The following ETHE1 variants were observed in gnomAD, a reference collection of about 807,000 sequenced individuals.
The protein encoded by ETHE1 is ETHE1 persulfide dioxygenase.
Under a neutral mutation model 25.7 loss-of-function variants are expected in ETHE1, and 16 were observed. The ratio of observed to expected loss-of-function variants is 0.62; its 90% CI spans 0.42 to 0.95. ETHE1 has a LOEUF of 0.95. Ranked by LOEUF, ETHE1 falls within the 40% of genes least tolerant of loss-of-function variation. The pLI is 0.00. For synonymous variants in ETHE1, 139 were observed against 135.9 expected (o/e 1.02, Z -0.16); for missense variants, 300 against 333.6 (o/e 0.90, Z 0.79).
intron 3 of ETHE1, among the ~76,000 whole-genome samples, chr19:43,521,128 C>G (rs1394400820): frequency 6.6e-6 from 1 of 152,058 alleles, no homozygotes; most frequent in Admixed American, 6.6e-5. Context: ...AGGCCAGGTG[C>G]TCACGACCAG....
intron 3 of ETHE1, among the ~76,000 whole-genome samples, chr19:43,515,349 G>A (rs988883688): frequency 1.3e-5 from 2 of 151,064 alleles, no homozygotes; most frequent in African/African-American, 2.4e-5. Flanking sequence ...CCCGGGAGGC[G>A]GAGGTTGCAG....
rs558850742 is a variant in ETHE1 at position 43,511,354 on chromosome 19, A to G, written c.505+83T>C. 6.8e-5 allele frequency: 109 copies of G among 1,597,008 alleles called. No individual in the cohort carries two copies. The African/African-American group carries it at 1.2e-3, about 18-fold the overall frequency. The stretch of plus-strand genomic sequence containing the variant: ...CCCCCTAAAAGTCTAATGTCCATCC[A>G]TTCATTCTTGTAACAGATACTTCAA... On this transcript the variant is annotated intron_variant, in intron 4 of 6. Coordinates refer to ENST00000292147, the MANE Select transcript of ETHE1 (RefSeq NM_014297.5).
chr19:43,521,780 T>C (rs1972143396), intron 3 of ETHE1, among the ~76,000 whole-genome samples: 1 of 152,146 alleles, frequency 6.6e-6, no homozygotes, highest in African/African-American at 2.4e-5. Flanking sequence ...GGAGTTTCTA[T>C]GAAAATTAAA....
chr19:43,523,605 A>G (rs1247617602), intron 3 of ETHE1, among the ~76,000 whole-genome samples: 1 of 152,018 alleles, frequency 6.6e-6, no homozygotes, highest in East Asian at 1.9e-4. Context: ...AAGTAGAAGG[A>G]AAAATAAAGG....
chr19:43,512,083 C>A (rs1971930081), intron 3 of ETHE1, among the ~76,000 whole-genome samples: 1 of 152,192 alleles, frequency 6.6e-6, no homozygotes, highest in Non-Finnish European at 1.5e-5. Context: ...GATTGTGAGG[C>A]CTCCCCAGCC....
chr19:43,526,233 C>T lies in ETHE1; in HGVS notation c.343G>A (p.Glu115Lys). Reference sequence around the variant, plus strand: ...CCGAAGCGGATGGAGTCTCCATCCTCAATGTGTAAGTCAGCCTGGGCCCCA... The same window carrying T: ...CCGAAGCGGATGGAGTCTCCATCCTTAATGTGTAAGTCAGCCTGGGCCCCA... ...LSGAQADLHI[E>K]DGDSIRFGRF... Residue 115 changes from glutamate (E) to lysine (K), a missense_variant, in exon 3 of 7, where the codon GAG becomes AAG. Coordinates refer to ENST00000292147, the MANE Select transcript of ETHE1 (RefSeq NM_014297.5). The T allele has an allele frequency of 6.2e-7, 1 of 1,614,136 alleles. No homozygotes were observed.
chr19:43,520,374 G>A (rs1012001897), intron 3 of ETHE1, among the ~76,000 whole-genome samples: 2 of 151,752 alleles, frequency 1.3e-5, no homozygotes, highest in African/African-American at 4.8e-5. Context: ...AAGAAAAAAA[G>A]ATGAAGTGAT....
At chr19:43,508,942 A>C (rs1218122406) in intron 4 of ETHE1, 78 bp from the exon 5 acceptor site, 1 of 1,106,012 alleles carries the variant, frequency 9.0e-7, no homozygotes, top group African/African-American at 1.5e-5. Context: ...AAAGGGTAGG[A>C]GGATAAAATC....
chr19:43,519,812 T>C (rs1320345576), intron 3 of ETHE1, among the ~76,000 whole-genome samples: 1 of 152,188 alleles, frequency 6.6e-6, no homozygotes, highest in Non-Finnish European at 1.5e-5. Context: ...AAACCGCAGA[T>C]AGTACAGAAC....
In ETHE1 at chr19:43,526,003, G is replaced by GCCCAGAGCCTCTTGC. The variant is rs544244091; in HGVS notation, c.375+183_375+197dup. Reference sequence around the variant, plus strand: ...TAGGAGTTCCGCCAGTGCCCCACCTGCCCAGAGCCTCTTGCCCCAGTGCCC... The same window carrying GCCCAGAGCCTCTTGC: ...TAGGAGTTCCGCCAGTGCCCCACCTGCCCAGAGCCTCTTGCCCCAGAGCCTCTTGCCCCAGTGCCC... On this transcript the variant is annotated intron_variant, in intron 3 of 6. Coordinates refer to ENST00000292147, the MANE Select transcript of ETHE1 (RefSeq NM_014297.5). 173 of 695,500 alleles carry GCCCAGAGCCTCTTGC rather than the reference G, an allele frequency of 2.5e-4. 5 individuals carry two copies. In the South Asian group the frequency reaches 3.1e-3, roughly 12 times the overall value. 43.1% of individuals were successfully genotyped at this position (695,500 alleles called of 1,614,324 possible). A position where few individuals can be genotyped will look rare whatever the true frequency, so the allele number is the denominator to read the frequency against.
chr19:43,524,127 C>A (rs1416089473), intron 3 of ETHE1, among the ~76,000 whole-genome samples: 2 of 151,830 alleles, frequency 1.3e-5, no homozygotes, highest in South Asian at 4.2e-4. Context: ...CCCAGCTACT[C>A]GGGAGGCTGA....
intron 3 of ETHE1, among the ~76,000 whole-genome samples, chr19:43,522,530 G>A (rs1972156553): frequency 6.6e-6 from 1 of 152,006 alleles, no homozygotes; most frequent in South Asian, 2.1e-4. Flanking sequence ...ATGCTGGAGT[G>A]CAATGGCACC....
In ETHE1 at chr19:43,508,840, G is replaced by A. The variant is rs773972765; in HGVS notation, c.530C>T (p.Ser177Leu). ...QQGCAKTLYH[S>L]VHEKIFTLPG... ...AAGTGTGAAGATCTTTTCATGGACCGAGTGGTACAAGGTCTTGGCACAGCC... is the reference window on the plus strand; with the variant it reads ...AAGTGTGAAGATCTTTTCATGGACCAAGTGGTACAAGGTCTTGGCACAGCC... Residue 177 changes from serine to leucine, a missense_variant, in exon 5 of 7, where the codon TCG becomes TTG. Physicochemically the swap from Ser to Leu is moderately radical, Grantham distance 145 (BLOSUM62 -2). Transcript: ENST00000292147. The A allele has an allele frequency of 7.5e-6, 12 of 1,607,846 alleles. No individual in the cohort carries two copies. The highest frequency in any genetic ancestry group is 2.2e-5 in the East Asian group (1 of 44,808).
chr19:43,514,665 T>C (rs1971985897), intron 3 of ETHE1, among the ~76,000 whole-genome samples: 2 of 152,146 alleles, frequency 1.3e-5, no homozygotes, highest in South Asian at 4.2e-4. Context: ...TTTATATTTT[T>C]AGTAGAGATG....
In ETHE1 at chr19:43,526,973, C is replaced by T. The variant is rs866542064; in HGVS notation, c.81+124G>A. ...CCAAGAGTCCAGCCCTAAACCTCCACCCCGCTTTCCGCAAGATGCAGGCGT... is the reference window on the plus strand; with the variant it reads ...CCAAGAGTCCAGCCCTAAACCTCCATCCCGCTTTCCGCAAGATGCAGGCGT... On this transcript the variant is annotated intron_variant, in intron 1 of 6. Coordinates refer to ENST00000292147, the MANE Select transcript of ETHE1 (RefSeq NM_014297.5). 4 of 1,530,652 alleles carry T rather than the reference C, an allele frequency of 2.6e-6. 1 individual carries two copies. The highest frequency in any genetic ancestry group is 1.7e-4 in the Middle Eastern group (1 of 5,870). 94.8% of individuals were successfully genotyped at this position (1,530,652 alleles called of 1,614,324 possible).
intron 3 of ETHE1, among the ~76,000 whole-genome samples, chr19:43,515,284 G>A (rs1233865621): frequency 6.6e-6 from 1 of 151,900 alleles, no homozygotes; most frequent in Non-Finnish European, 1.5e-5. Flanking sequence ...AGGCATGGTG[G>A]CACATGCTTG....
intron 4 of ETHE1, among the ~76,000 whole-genome samples, chr19:43,509,712 C>T (rs11882021): frequency 0.4 from 60,103 of 151,544 alleles, 12,024 homozygotes; most frequent in South Asian, 0.52. Flanking sequence ...AGGAGAATGG[C>T]GTGAACCCAG....
intron 6 of ETHE1, 96 bp from the exon 7 acceptor site, chr19:43,506,998 GA>G: frequency 7.4e-7 from 1 of 1,351,084 alleles, no homozygotes; most frequent in Non-Finnish European, 1.0e-6. Context: ...TCCTCTTCAG[GA>G]AACTAGAGTT....
At chr19:43,525,868 C>G in intron 3 of ETHE1, 1 of 397,232 alleles carries the variant, frequency 2.5e-6, no homozygotes, top group East Asian at 5.8e-5. Flanking sequence ...CTTTCCTTCT[C>G]AGCCCTGCCC....
Sources: allele counts gnomAD v4.1 joint callset (sites outside exome capture counted in the v4.1 genomes callset), GRCh38; gene constraint gnomAD v4.1.1; transcripts MANE v1.5; gene names NCBI Gene and HGNC (gene_info 2026-07-23, HGNC 2026-07-21).